The following STAT5B variants were observed in gnomAD, a reference collection of about 807,000 sequenced individuals.
The protein encoded by STAT5B is transcription factor STAT5B.
Under a neutral mutation model 107.8 loss-of-function variants are expected in STAT5B, and 21 were observed. The observed-to-expected ratio is 0.19, with a 90% CI of 0.14 to 0.28. STAT5B has a LOEUF of 0.28. Among genes scored for constraint, STAT5B ranks in the 10% least tolerant of loss-of-function variants. STAT5B has a pLI of 1.00. For synonymous variants in STAT5B, 325 were observed against 401.7 expected, an observed-to-expected ratio of 0.81 and a Z score of 2.28; for missense variants, 565 against 1,008.2, an observed-to-expected ratio of 0.56 and a Z score of 5.95.
Position 42,223,556 on chromosome 17 carries a change from C to T in STAT5B, c.376G>A (p.Gly126Ser). Residue 126 changes from glycine (G) to serine (S), a missense_variant and splice_region_variant, in exon 5 of 19, where the codon GGT becomes AGT. This residue lies in a region of STAT5B where 54 missense variants were observed against 49.7 expected (regional missense o/e 1.09). Coordinates refer to ENST00000293328, the MANE Select transcript of STAT5B (RefSeq NM_012448.4). ...GCAAGGCTTCCAGCTGGAGAGCTAC[C>T]CTGGGAACATATGGGGGGCAGTGCA... ...EQRLVREANN[G>S]SSPAGSLADA... The T allele has an allele frequency of 6.2e-7, 1 of 1,614,070 alleles. No homozygotes were observed. Among genetic ancestry groups the T allele is most frequent in the Non-Finnish European group, 8.5e-7 (1 of 1,180,010 alleles).
At chr17:42,248,079 C>T (rs1027927658) in intron 1 of STAT5B, among the ~76,000 whole-genome samples, 2 of 151,592 alleles carry the variant, frequency 1.3e-5, no homozygotes, top group Non-Finnish European at 2.9e-5. Flanking sequence ...GAGTTTGAAA[C>T]AAGCCTAGGC....
chr17:42,281,724 G>A, the STAT5B span, among the ~76,000 whole-genome samples: 2 of 152,134 alleles, frequency 1.3e-5, no homozygotes, highest in Non-Finnish European at 2.9e-5. Flanking sequence ...ACCAATCTGG[G>A]CTCCCTTCCA....
intron 13 of STAT5B, 112 bp from the exon 14 acceptor site, chr17:42,210,609 G>A (rs905133298): frequency 2.0e-6 from 2 of 1,015,710 alleles, no homozygotes; most frequent in Non-Finnish European, 1.5e-6. Context: ...CCTTGTCAGA[G>A]GCATACAAAT....
intron 2 of STAT5B, among the ~76,000 whole-genome samples, chr17:42,229,133 A>G (rs1410240846): frequency 6.6e-6 from 1 of 152,170 alleles, no homozygotes; most frequent in Non-Finnish European, 1.5e-5. Context: ...AACTGGCAAC[A>G]ATGCCCTTGG....
chr17:42,215,885 G>C, intron 12 of STAT5B, 129 bp downstream of exon 12: 1 of 1,062,990 alleles, frequency 9.4e-7, no homozygotes, highest in Non-Finnish European at 1.4e-6. Context: ...GCCTCCCAAA[G>C]TGCTGGGATT....
Position 42,246,326 on chromosome 17 carries a change from A to T in STAT5B, c.-10-14189T>A, listed in dbSNP as rs539579275. On this transcript the variant is annotated intron_variant, in intron 1 of 18. Coordinates refer to ENST00000293328, the MANE Select transcript of STAT5B (RefSeq NM_012448.4). ...AGAACATTCAGAATTATAAAGTAAA[A>T]ATTCAGAATTATAAAAAAATTTTAA... is the stretch of plus-strand genomic sequence containing the variant. Among the ~76,000 whole-genome samples the T allele has an allele frequency of 3.7e-3, 562 of 152,202 alleles. 1 individual carries two copies. Among genetic ancestry groups the T allele is most frequent in the Admixed American group, 6.5e-3 (100 of 15,300 alleles).
At chr17:42,268,362 T>C (rs1171382177) in intron 1 of STAT5B, among the ~76,000 whole-genome samples, 2 of 152,196 alleles carry the variant, frequency 1.3e-5, no homozygotes, top group African/African-American at 4.8e-5. Context: ...GCAATAGGCT[T>C]TATCATACAG....
intron 1 of STAT5B, among the ~76,000 whole-genome samples, chr17:42,262,061 T>A (rs11079041): frequency 0.36 from 54,769 of 152,062 alleles, 11,120 homozygotes; most frequent in African/African-American, 0.55. Flanking sequence ...GGGCTCAAAA[T>A]TGTCTATTTT....
At chr17:42,219,167 T>C in intron 7 of STAT5B, 145 bp downstream of exon 7, 1 of 1,420,454 alleles carries the variant, frequency 7.0e-7, no homozygotes, top group Non-Finnish European at 9.4e-7. Context: ...GGCCAAAGTC[T>C]GATTGAGGAA....
chr17:42,214,708 TA>T, intron 12 of STAT5B: 1 of 906,054 alleles, frequency 1.1e-6, no homozygotes, highest in Non-Finnish European at 1.3e-6. Context: ...TTTTATGGAC[TA>T]ATCTCTATTG....
intron 5 of STAT5B, among the ~76,000 whole-genome samples, chr17:42,220,335 C>G (rs1407982292): frequency 1.3e-5 from 2 of 152,280 alleles, no homozygotes; most frequent in East Asian, 3.9e-4. Context: ...ATGGAAGATG[C>G]CAGAAAGCTG....
At chr17:42,214,370 CA>C in intron 12 of STAT5B, 2 of 985,142 alleles carry the variant, frequency 2.0e-6, no homozygotes, top group Non-Finnish European at 2.4e-6. Flanking sequence ...CAGACAGTTT[CA>C]AAAAGGAGCT....
chr17:42,251,577 T>C (rs891827219), intron 1 of STAT5B, among the ~76,000 whole-genome samples: 5 of 152,210 alleles, frequency 3.3e-5, no homozygotes, highest in African/African-American at 1.2e-4. Flanking sequence ...TGAAGTTAGC[T>C]GCCATCTGGA....
At chr17:42,227,911 A>T (rs930790637) in intron 2 of STAT5B, among the ~76,000 whole-genome samples, 12 of 152,278 alleles carry the variant, frequency 7.9e-5, no homozygotes, top group African/African-American at 2.9e-4. Flanking sequence ...TAAAAAAAAA[A>T]ATTTTTAACA....
At chr17:42,214,781 G>A (rs756585356) in intron 12 of STAT5B, among the ~76,000 whole-genome samples, 3 of 152,120 alleles carry the variant, frequency 2.0e-5, no homozygotes, top group Non-Finnish European at 4.4e-5. Context: ...ACAGGGTGTC[G>A]CTTTGTCACC....
At position 42,256,694 on chromosome 17, in the gene STAT5B, C is replaced by G. The variant is rs1032135563; in HGVS notation, c.-11+19554G>C. Among the ~76,000 whole-genome samples, 11 of 151,812 alleles carry G rather than the reference C, an allele frequency of 7.2e-5. No individual in the cohort carries two copies. The South Asian group carries it at 1.7e-3, about 23-fold the overall frequency. On this transcript the variant is annotated intron_variant, in intron 1 of 18. Coordinates refer to ENST00000293328, the MANE Select transcript of STAT5B (RefSeq NM_012448.4). The stretch of plus-strand genomic sequence containing the variant: ...CTAACATGGTGAAACCCCGTCTCTA[C>G]TAAACAAAATACAAAAAATTAGCCG...
intron 1 of STAT5B, chr17:42,275,505 T>A (rs969960575): frequency 6.6e-6 from 1 of 152,310 alleles, no homozygotes; most frequent in Non-Finnish European, 1.5e-5. Context: ...CCCGACCATC[T>A]TGCCAGATTC....
intron 1 of STAT5B, among the ~76,000 whole-genome samples, chr17:42,256,861 CAAAAAAAAAAAAA>C (rs781345676): frequency 2.5e-3 from 114 of 44,814 alleles, no homozygotes; most frequent in African/African-American, 0.011. Flanking sequence ...GACTCTGTCT[CAAAAAAAAAAAAA>C]AAAAAAAAAA....
Position 42,201,314 on chromosome 17 carries a change from G to A in STAT5B, c.*424C>T, listed in dbSNP as rs904246821. On this transcript the variant is annotated 3_prime_UTR_variant, in exon 19 of 19. Transcript: ENST00000293328. ...GTGACGAAGACTCACTGGAGCACAT[G>A]TGCTTTCTCCTCCCTTTGTCCTTCT... 2.0e-5 allele frequency: 11 copies of A among 544,044 alleles called. No individual in the cohort carries two copies. Among genetic ancestry groups the A allele is most frequent in the Non-Finnish European group, 3.6e-5 (11 of 309,074 alleles). 33.7% of individuals were successfully genotyped at this position (544,044 alleles called of 1,614,324 possible).
Sources: allele counts gnomAD v4.1 joint callset (sites outside exome capture counted in the v4.1 genomes callset), GRCh38; gene constraint gnomAD v4.1.1; regional missense constraint gnomAD v4.1.1; transcripts MANE v1.5; gene names NCBI Gene and HGNC (gene_info 2026-07-23, HGNC 2026-07-21).